The following FOXN3 variants were observed in gnomAD, a reference collection of about 807,000 sequenced individuals.
FOXN3 encodes forkhead box protein N3.
FOXN3 carries 7 observed loss-of-function variants against 38.4 expected under a neutral mutation model. That is an observed-to-expected ratio of 0.18 (90% CI 0.10 to 0.34). The LOEUF (loss-of-function observed/expected upper bound fraction) is 0.34. FOXN3 is among the 10% of genes least tolerant of loss of function. The pLI is 1.00. For missense variants in FOXN3, 456 were observed against 613.4 expected (o/e 0.74, Z 2.71); for synonymous variants, 230 against 242.2 (o/e 0.95, Z 0.47).
intron 3 of FOXN3, among the ~76,000 whole-genome samples, chr14:89,307,719 T>C (rs936514074): frequency 1.3e-5 from 2 of 152,178 alleles, no homozygotes; most frequent in Non-Finnish European, 1.5e-5. Flanking sequence ...CCATAGTTTT[T>C]GCATAACCAT....
Position 89,412,075 on chromosome 14 carries a change from G to A in FOXN3, c.402C>T (p.Arg134=), listed in dbSNP as rs1308793259. ...FMAIEDSPTK[R]LPVKDIYNWI... The stretch of plus-strand genomic sequence containing the variant: ...AGTTGTAGATATCCTTCACTGGCAG[G>A]CGCTTGGTTGGAGAGTCCTCGATGG... The change falls in exon 2 of 6, where the codon CGC becomes CGT. Residue 134 remains arginine, a synonymous_variant. Coordinates refer to ENST00000557258, the MANE Select transcript of FOXN3 (RefSeq NM_005197.4). This position sits in a 1 kb window ranked among gnomAD's most constrained non-coding sequence, Gnocchi z 4.7. The A allele has an allele frequency of 6.2e-7, 1 of 1,613,310 alleles. No individual in the cohort carries two copies. Among genetic ancestry groups the A allele is most frequent in the East Asian group, 2.2e-5 (1 of 44,870 alleles).
At chr14:89,276,583 A>ACAGAACGG (rs1886307439) in intron 4 of FOXN3, among the ~76,000 whole-genome samples, 2 of 152,204 alleles carry the variant, frequency 1.3e-5, no homozygotes, top group South Asian at 4.1e-4. Context: ...TGGTCTGACC[A>ACAGAACGG]CAGAACGGGC....
chr14:89,472,244 GA>G (rs1893109637), intron 1 of FOXN3, among the ~76,000 whole-genome samples: 1 of 144,128 alleles, frequency 6.9e-6, no homozygotes, highest in Admixed American at 7.1e-5. Flanking sequence ...GACAGAGTGA[GA>G]ACCCATCTCA....
chr14:89,357,735 T>C (rs945694638), intron 2 of FOXN3, among the ~76,000 whole-genome samples: 1 of 152,198 alleles, frequency 6.6e-6, no homozygotes, highest in Non-Finnish European at 1.5e-5. Context: ...ATTTTCCATA[T>C]GAAAAAATAT....
chr14:89,271,498 C>T (rs545344425), intron 4 of FOXN3, among the ~76,000 whole-genome samples: 2 of 152,236 alleles, frequency 1.3e-5, no homozygotes, highest in African/African-American at 4.8e-5. Context: ...GGAAAGATTC[C>T]TATACATGAA....
At chr14:89,566,346 G>A (rs932231810) in intron 1 of FOXN3, among the ~76,000 whole-genome samples, 1 of 152,050 alleles carries the variant, frequency 6.6e-6, no homozygotes, top group Non-Finnish European at 1.5e-5. Context: ...GTATAAAACT[G>A]CTGCCAGCTC....
At chr14:89,207,839 G>A (rs986026270) in intron 4 of FOXN3, among the ~76,000 whole-genome samples, 2 of 152,192 alleles carry the variant, frequency 1.3e-5, no homozygotes, top group Non-Finnish European at 2.9e-5. Context: ...AGACAGGCTA[G>A]GTCTAAGCTC....
chr14:89,293,366 C>G (rs963169461), intron 3 of FOXN3, among the ~76,000 whole-genome samples: 3 of 152,186 alleles, frequency 2.0e-5, no homozygotes, highest in African/African-American at 7.2e-5. Context: ...GTTTAAGCAA[C>G]AGAAATTCCT....
At chr14:89,225,663 A>G (rs1343351887) in intron 4 of FOXN3, among the ~76,000 whole-genome samples, 1 of 152,170 alleles carries the variant, frequency 6.6e-6, no homozygotes, top group African/African-American at 2.4e-5. Context: ...TCTAGTCTGC[A>G]ATTTACTTTT....
chr14:89,505,713 G>A (rs891573651), intron 1 of FOXN3, among the ~76,000 whole-genome samples: 1 of 152,066 alleles, frequency 6.6e-6, no homozygotes, highest in Non-Finnish European at 1.5e-5. Context: ...TGGGAAGTGA[G>A]GAGCGTCTCT....
At chr14:89,275,340 T>A (rs1020387959) in intron 4 of FOXN3, among the ~76,000 whole-genome samples, 14 of 152,162 alleles carry the variant, frequency 9.2e-5, no homozygotes, top group Admixed American at 3.9e-4. Context: ...GAACTAAGCA[T>A]CAAAATCCAT....
intron 1 of FOXN3, among the ~76,000 whole-genome samples, chr14:89,602,494 T>A (rs187765251): frequency 6.6e-6 from 1 of 150,868 alleles, no homozygotes; most frequent in Non-Finnish European, 1.5e-5. Flanking sequence ...CATTTTTTTC[T>A]TTTTTTTCTT....
At chr14:89,423,779 G>A (rs965177327) in intron 1 of FOXN3, among the ~76,000 whole-genome samples, 5 of 152,200 alleles carry the variant, frequency 3.3e-5, no homozygotes, top group African/African-American at 1.2e-4. Flanking sequence ...GGCACTGGTG[G>A]GAAGTGGTAT....
chr14:89,156,194 C>T lies in FOXN3; in HGVS notation c.*6220G>A, dbSNP rs1886976102. 1 of 152,650 alleles carries T rather than the reference C, an allele frequency of 6.6e-6. No individual in the cohort carries two copies. The highest frequency in any genetic ancestry group is 2.4e-5 in the African/African-American group (1 of 41,462). The allele number at this position is 152,650 out of a possible 1,614,324, so 9.5% of individuals were successfully genotyped here. A position where few individuals can be genotyped will look rare whatever the true frequency, so the allele number is the denominator to read the frequency against. On this transcript the variant is annotated 3_prime_UTR_variant, in exon 6 of 6. Transcript: ENST00000557258. ...ACGTGGTGTTTTTCTTCAATTGATGCAACTCAGTAATTTTTATTGCAACTG... is the reference window on the plus strand; with the variant it reads ...ACGTGGTGTTTTTCTTCAATTGATGTAACTCAGTAATTTTTATTGCAACTG...
At chr14:89,462,583 T>C (rs997317845) in intron 1 of FOXN3, among the ~76,000 whole-genome samples, 5 of 152,134 alleles carry the variant, frequency 3.3e-5, no homozygotes, top group Non-Finnish European at 7.4e-5. Context: ...TTCTTCCTGA[T>C]GGGGACTCTG....
intron 1 of FOXN3, among the ~76,000 whole-genome samples, chr14:89,434,844 A>G (rs1002909532): frequency 1.3e-5 from 2 of 152,324 alleles, no homozygotes; most frequent in East Asian, 3.9e-4. Context: ...CAAACTATGT[A>G]TCTTGTTCTT....
chr14:89,420,862 G>A (rs1891885235), upstream of FOXN3, among the ~76,000 whole-genome samples: 1 of 143,446 alleles, frequency 7.0e-6, no homozygotes, highest in Non-Finnish European at 1.5e-5. Context: ...GAGCCCAGAA[G>A]TTGTATTATC....
intron 4 of FOXN3, among the ~76,000 whole-genome samples, chr14:89,262,356 C>A (rs778436496): frequency 6.6e-6 from 1 of 152,220 alleles, no homozygotes; most frequent in Non-Finnish European, 1.5e-5. Context: ...CACAAATATG[C>A]AAACTGGAGG....
chr14:89,463,764 AG>A (rs996834785), intron 1 of FOXN3, among the ~76,000 whole-genome samples: 4 of 147,966 alleles, frequency 2.7e-5, no homozygotes, highest in African/African-American at 9.8e-5. Flanking sequence ...AGAGATATGC[AG>A]GGGTAGTGGT....
Sources: gnomAD v4.1 joint callset for allele counts (sites outside exome capture counted in the v4.1 genomes callset) on GRCh38, gnomAD v4.1.1 for gene constraint, Gnocchi (gnomAD v3.1) non-coding constraint, MANE v1.5 for transcripts, NCBI Gene and HGNC (gene_info 2026-07-23, HGNC 2026-07-21) for gene names.